Variants in NPFFR2 observed in about 807,000 individuals in gnomAD.
NPFFR2 encodes neuropeptide FF receptor 2.
Under a neutral mutation model 13.1 loss-of-function variants are expected in NPFFR2, and 15 were observed. The observed-to-expected ratio is 1.15, with a 90% CI of 0.77 to 1.76. NPFFR2 has a LOEUF of 1.76. NPFFR2 is among the 40% of genes most tolerant of loss of function. NPFFR2 has a pLI of 0.00. For synonymous variants in NPFFR2, 190 were observed against 175.7 expected (o/e 1.08, Z -0.65); for missense variants, 572 against 503.5 (o/e 1.14, Z -1.30).
chr4:72,139,175 T>C (rs1204798180), intron 3 of NPFFR2, among the ~76,000 whole-genome samples: 2 of 152,112 alleles, frequency 1.3e-5, no homozygotes, highest in South Asian at 4.1e-4. Flanking sequence ...GTCAGAAGGG[T>C]AGATTGCAAA....
intron 1 of NPFFR2, among the ~76,000 whole-genome samples, chr4:72,070,793 C>A (rs995063109): frequency 1.3e-5 from 2 of 151,986 alleles, no homozygotes; most frequent in African/African-American, 2.4e-5. Flanking sequence ...TTTATTGCAG[C>A]ATGTAGTACT....
chr4:72,074,206 G>T (rs1275195119), intron 1 of NPFFR2, among the ~76,000 whole-genome samples: 1 of 151,994 alleles, frequency 6.6e-6, no homozygotes, highest in East Asian at 1.9e-4. Flanking sequence ...GACAATCCAG[G>T]TAAAGATTTC....
Position 72,032,130 on chromosome 4 carries a change from G to C in NPFFR2, c.-78G>C. On this transcript the variant is annotated 5_prime_UTR_variant, in exon 1 of 4. Coordinates refer to ENST00000308744, the MANE Select transcript of NPFFR2 (RefSeq NM_004885.3). ...GAAAAGTAGCTGGAGCCGGAGCAGGGACAGAACCTGTTGCTGCAGACGGGC... is the reference window on the plus strand; with the variant it reads ...GAAAAGTAGCTGGAGCCGGAGCAGGCACAGAACCTGTTGCTGCAGACGGGC... The C allele has an allele frequency of 6.2e-7, 1 of 1,614,134 alleles. No individual in the cohort carries two copies. The highest frequency in any genetic ancestry group is 1.1e-5 in the South Asian group (1 of 91,068).
chr4:72,105,656 A>G (rs996278252), intron 1 of NPFFR2, among the ~76,000 whole-genome samples: 1 of 152,066 alleles, frequency 6.6e-6, no homozygotes, highest in South Asian at 2.1e-4. Context: ...ACAGATCAAG[A>G]GTCACCATTG....
At chr4:72,114,740 G>A (rs1333846791) in intron 1 of NPFFR2, among the ~76,000 whole-genome samples, 1 of 152,082 alleles carries the variant, frequency 6.6e-6, no homozygotes, top group African/African-American at 2.4e-5. Flanking sequence ...CTTTTGACAT[G>A]AACAACATGT....
intron 1 of NPFFR2, among the ~76,000 whole-genome samples, chr4:72,105,892 T>C (rs186451369): frequency 6.6e-6 from 1 of 152,182 alleles, no homozygotes; most frequent in Non-Finnish European, 1.5e-5. Context: ...TAACAGGATG[T>C]TATAACACTA....
At chr4:72,086,336 C>T (rs546919723) in intron 1 of NPFFR2, among the ~76,000 whole-genome samples, 15 of 152,142 alleles carry the variant, frequency 9.9e-5, no homozygotes, top group African/African-American at 3.1e-4. Context: ...AGTCATCTTA[C>T]GTAGATAGCA....
intron 1 of NPFFR2, among the ~76,000 whole-genome samples, chr4:72,124,275 T>A (rs1448327521): frequency 6.7e-6 from 1 of 149,822 alleles, no homozygotes; most frequent in Non-Finnish European, 1.5e-5. Context: ...ACACAAGCAA[T>A]GCCCATGGAT....
At chr4:72,094,225 G>A (rs535852995) in intron 1 of NPFFR2, among the ~76,000 whole-genome samples, 3 of 152,288 alleles carry the variant, frequency 2.0e-5, no homozygotes, top group South Asian at 2.1e-4. Flanking sequence ...CACCTCCTCC[G>A]GTGGAGGCGG....
In NPFFR2 at chr4:72,147,523, A is replaced by T; in HGVS notation, c.974A>T (p.Asn325Ile). The change falls in exon 4 of 4, where the codon AAC (asparagine) becomes ATC (isoleucine). Residue 325 changes from asparagine (N) to isoleucine (I), a missense_variant. By Grantham distance (149) the Asn-to-Ile change is moderately radical. Coordinates refer to ENST00000308744, the MANE Select transcript of NPFFR2 (RefSeq NM_004885.3). ...YPFAHWLAFG[N>I]SSVNPIIYGF... ...TTTGCACACTGGCTGGCATTCGGCA[A>T]CAGCAGTGTCAATCCCATCATTTAT... 6.2e-7 allele frequency: 1 copy of T among 1,614,244 alleles called. No homozygotes were observed. Among genetic ancestry groups the T allele is most frequent in the South Asian group, 1.1e-5 (1 of 91,090 alleles).
intron 1 of NPFFR2, among the ~76,000 whole-genome samples, chr4:72,050,036 A>G (rs1305184855): frequency 6.6e-6 from 1 of 152,030 alleles, no homozygotes; most frequent in Non-Finnish European, 1.5e-5. Flanking sequence ...ACTCCCATCC[A>G]AACCTCCAAG....
intron 1 of NPFFR2, among the ~76,000 whole-genome samples, chr4:72,097,132 T>C (rs187366998): frequency 3.9e-4 from 59 of 152,226 alleles, no homozygotes; most frequent in African/African-American, 1.4e-3. Flanking sequence ...CACATATCTT[T>C]CTAAAGTACA....
chr4:72,081,798 A>G (rs28537457), intron 1 of NPFFR2, among the ~76,000 whole-genome samples: 2 of 152,230 alleles, frequency 1.3e-5, no homozygotes, highest in South Asian at 4.1e-4. Flanking sequence ...GCCTGATTTA[A>G]TAACTGTTAG....
chr4:72,062,036 G>T (rs544366987), intron 1 of NPFFR2, among the ~76,000 whole-genome samples: 1 of 151,654 alleles, frequency 6.6e-6, no homozygotes, highest in South Asian at 2.1e-4. Context: ...CAAATAAAGT[G>T]ATTAGGCATT....
chr4:72,107,576 T>C (rs1560413340), intron 1 of NPFFR2, among the ~76,000 whole-genome samples: 1 of 151,916 alleles, frequency 6.6e-6, no homozygotes, highest in African/African-American at 2.4e-5. Flanking sequence ...TGGACTGACA[T>C]GTATAAAGCA....
At chr4:72,060,273 G>T (rs1719882852) in intron 1 of NPFFR2, among the ~76,000 whole-genome samples, 1 of 151,980 alleles carries the variant, frequency 6.6e-6, no homozygotes, top group Admixed American at 6.6e-5. Context: ...CCTCCCATTA[G>T]AATAAGCACA....
chr4:72,101,782 CA>C (rs1427142821), intron 1 of NPFFR2, among the ~76,000 whole-genome samples: 3 of 152,130 alleles, frequency 2.0e-5, no homozygotes, highest in Middle Eastern at 3.4e-3. Flanking sequence ...TCAGCTGGAA[CA>C]GAGTGTTGCC....
At chr4:72,068,600 G>A (rs75165481) in intron 1 of NPFFR2, among the ~76,000 whole-genome samples, 8,024 of 152,214 alleles carry the variant, frequency 0.053, 776 homozygotes, top group East Asian at 0.47. Flanking sequence ...CTTGTGCCTA[G>A]AACAGACAGT....
intron 3 of NPFFR2, among the ~76,000 whole-genome samples, chr4:72,139,977 C>T (rs896391136): frequency 1.3e-5 from 2 of 152,050 alleles, no homozygotes; most frequent in African/African-American, 4.8e-5. Flanking sequence ...CTTCACATCC[C>T]TTGTAAGTTG....
Sources: allele counts gnomAD v4.1 joint callset (sites outside exome capture counted in the v4.1 genomes callset), GRCh38; gene constraint gnomAD v4.1.1; transcripts MANE v1.5; gene names NCBI Gene and HGNC (gene_info 2026-07-23, HGNC 2026-07-21).